Variants in GRID2 observed in about 807,000 individuals in gnomAD.
The protein encoded by GRID2 is glutamate ionotropic receptor delta type subunit 2, also known as glutamate receptor ionotropic, delta-2.
In GRID2, 33 loss-of-function variants were observed where a neutral mutation model predicts 114.8. The observed-to-expected ratio is 0.29, with a 90% CI of 0.22 to 0.38. The LOEUF (loss-of-function observed/expected upper bound fraction) is 0.38. Ranked by LOEUF, GRID2 falls within the 10% of genes least tolerant of loss-of-function variation. GRID2 has a pLI of 1.00. For missense variants in GRID2, 1,184 were observed against 1,257.7 expected, an observed-to-expected ratio of 0.94 and a Z score of 0.89; for synonymous variants, 505 against 449.9, an observed-to-expected ratio of 1.12 and a Z score of -1.55.
At chr4:93,794,297 T>C (rs1734753019) in intron 1 of GRID2, among the ~76,000 whole-genome samples, 1 of 152,206 alleles carries the variant, frequency 6.6e-6, no homozygotes, top group Non-Finnish European at 1.5e-5. Context: ...CAACATCATG[T>C]CACATTTTGT....
chr4:93,360,798 C>T (rs769622447), intron 8 of GRID2, among the ~76,000 whole-genome samples: 6 of 151,582 alleles, frequency 4.0e-5, no homozygotes, highest in Non-Finnish European at 7.4e-5. Context: ...AATTTTTCAC[C>T]TGTTATCAGT....
intron 3 of GRID2, among the ~76,000 whole-genome samples, chr4:93,088,882 A>G (rs905107915): frequency 1.3e-5 from 2 of 152,120 alleles, no homozygotes; most frequent in African/African-American, 4.8e-5. Flanking sequence ...GACAGAGCCT[A>G]TGATCTTAAT....
At chr4:93,005,443 C>T (rs1314053794) in intron 2 of GRID2, among the ~76,000 whole-genome samples, 1 of 152,044 alleles carries the variant, frequency 6.6e-6, no homozygotes, top group Non-Finnish European at 1.5e-5. Flanking sequence ...TAACCTCCTG[C>T]TTCCCCGTTT....
intron 11 of GRID2, among the ~76,000 whole-genome samples, chr4:93,476,128 C>T (rs944059387): frequency 2.6e-5 from 4 of 152,050 alleles, no homozygotes; most frequent in Admixed American, 2.0e-4. Flanking sequence ...ATACTATATT[C>T]CTTATTCAAA....
At chr4:92,304,798 T>C (rs1725290185) in intron 1 of GRID2, 54 bp downstream of exon 1, 1 of 1,276,160 alleles carries the variant, frequency 7.8e-7, no homozygotes, top group Non-Finnish European at 1.1e-6. Flanking sequence ...AGTTCTCAAA[T>C]GTTTCCCCTT....
intron 2 of GRID2, among the ~76,000 whole-genome samples, chr4:92,709,699 T>G (rs11945308): frequency 0.26 from 39,546 of 151,062 alleles, 5,384 homozygotes; most frequent in East Asian, 0.42. Context: ...TTGTATTAAG[T>G]CTTTTCCTTA....
Position 92,397,096 on chromosome 4 carries a change from T to A in GRID2, c.88+92352T>A, listed in dbSNP as rs571600450. On this transcript the variant is annotated intron_variant, in intron 1 of 15. Coordinates refer to ENST00000282020, the MANE Select transcript of GRID2 (RefSeq NM_001510.4). ...CAGCATTAGGTCCATTTACAAAAAGTTGAATCATTACATTCTTGAAATTCT... is the reference window on the plus strand; with the variant it reads ...CAGCATTAGGTCCATTTACAAAAAGATGAATCATTACATTCTTGAAATTCT... Among the ~76,000 whole-genome samples, 489 of 152,176 alleles carry A rather than the reference T, an allele frequency of 3.2e-3. 3 individuals carry two copies. Among genetic ancestry groups the A allele is most frequent in the African/African-American group, 0.011 (452 of 41,544 alleles).
chr4:93,521,694 A>G (rs1271559283), intron 13 of GRID2, among the ~76,000 whole-genome samples: 1 of 152,112 alleles, frequency 6.6e-6, no homozygotes, highest in Non-Finnish European at 1.5e-5. Context: ...AGAAGAGATT[A>G]TGAGAACCAG....
chr4:93,075,341 T>C (rs1028699297), intron 2 of GRID2, among the ~76,000 whole-genome samples: 1 of 152,158 alleles, frequency 6.6e-6, no homozygotes, highest in Non-Finnish European at 1.5e-5. Flanking sequence ...ATAAAGAGCA[T>C]AGTCCAAAAA....
chr4:93,758,967 A>G (rs947422462), intron 14 of GRID2, among the ~76,000 whole-genome samples: 13 of 151,764 alleles, frequency 8.6e-5, no homozygotes, highest in Admixed American at 2.6e-4. Flanking sequence ...TTCCAATTGC[A>G]ATTATGCCCT....
At chr4:92,469,006 A>C (rs886171229) in intron 1 of GRID2, among the ~76,000 whole-genome samples, 2 of 152,152 alleles carry the variant, frequency 1.3e-5, no homozygotes, top group Admixed American at 1.3e-4. Flanking sequence ...GTGGAAGTAA[A>C]TCAGCTCAAC....
At chr4:93,718,079 C>T (rs868209139) in intron 14 of GRID2, among the ~76,000 whole-genome samples, 7 of 152,034 alleles carry the variant, frequency 4.6e-5, no homozygotes, top group African/African-American at 1.7e-4. Flanking sequence ...CACAGTGAAA[C>T]CTGGTCTCTA....
At chr4:92,374,153 T>C (rs1028711178) in intron 1 of GRID2, among the ~76,000 whole-genome samples, 10 of 152,128 alleles carry the variant, frequency 6.6e-5, no homozygotes, top group Non-Finnish European at 1.0e-4. Flanking sequence ...TGAAAATGCC[T>C]CATTATGCTT....
At chr4:92,480,346 C>A (rs1191491481) in intron 1 of GRID2, among the ~76,000 whole-genome samples, 2 of 152,040 alleles carry the variant, frequency 1.3e-5, no homozygotes, top group African/African-American at 4.8e-5. Context: ...TAATAGTTTT[C>A]TTGAGTCAAT....
chr4:92,949,563 T>C lies in GRID2; in HGVS notation c.245-135432T>C, dbSNP rs146333714. Among the ~76,000 whole-genome samples, 1,165 of 151,792 alleles carry C rather than the reference T, an allele frequency of 7.7e-3. 7 individuals are homozygous for C. Among genetic ancestry groups the C allele is most frequent in the Non-Finnish European group, 0.012 (825 of 67,926 alleles). The stretch of plus-strand genomic sequence containing the variant: ...GAAAGGGAGCTAAATGTGCCTCCAC[T>C]GTGATAAGAAATGGGAAGAAAATAG... On this transcript the variant is annotated intron_variant, in intron 2 of 15. Transcript: ENST00000282020.
rs1008718754 is a variant in GRID2 at position 93,063,850 on chromosome 4, A to G, written c.245-21145A>G. On this transcript the variant is annotated intron_variant, in intron 2 of 15. Coordinates refer to ENST00000282020, the MANE Select transcript of GRID2 (RefSeq NM_001510.4). ...ATATCCAGGCTGAATTTCCGTATTG[A>G]TTAAAAAATATTTAAATTCAAGAAT... Among the ~76,000 whole-genome samples the G allele has an allele frequency of 4.0e-5, 6 of 151,686 alleles. No homozygotes were observed. In the East Asian group the frequency reaches 1.2e-3, roughly 29 times the overall value.
At chr4:93,420,790 G>C (rs2149365411) in intron 9 of GRID2, among the ~76,000 whole-genome samples, 1 of 151,178 alleles carries the variant, frequency 6.6e-6, no homozygotes, top group East Asian at 1.9e-4. Flanking sequence ...GTCTCACTCT[G>C]TTGCCCAGGC....
rs1443099939 is a variant in GRID2, at chr4:92,482,062, C to T, written c.89-108069C>T. On this transcript the variant is annotated intron_variant, in intron 1 of 15. Coordinates refer to ENST00000282020, the MANE Select transcript of GRID2 (RefSeq NM_001510.4). The stretch of plus-strand genomic sequence containing the variant: ...ATAACAATACAAGCTTATAGCTGCT[C>T]AGAGAATTTTGATTTATTCAAGATT... Among the ~76,000 whole-genome samples the T allele has an allele frequency of 3.1e-5, 4 of 127,936 alleles. No individual in the cohort carries two copies. In the Admixed American group the frequency reaches 3.5e-4, roughly 11 times the overall value. 83.9% of individuals were successfully genotyped at this position (127,936 alleles called of 152,430 possible).
intron 14 of GRID2, among the ~76,000 whole-genome samples, chr4:93,729,801 T>G (rs139451195): frequency 6.6e-6 from 1 of 152,216 alleles, no homozygotes; most frequent in East Asian, 1.9e-4. Context: ...CAAAGCTAAG[T>G]TAGGAGCTTC....
Sources: gnomAD v4.1 joint callset for allele counts (sites outside exome capture counted in the v4.1 genomes callset) on GRCh38, gnomAD v4.1.1 for gene constraint, MANE v1.5 for transcripts, NCBI Gene and HGNC (gene_info 2026-07-23, HGNC 2026-07-21) for gene names.